The following RBFOX3 variants were observed in gnomAD, a reference collection of about 807,000 sequenced individuals.
The protein encoded by RBFOX3 is RNA binding protein fox-1 homolog 3.
In RBFOX3, 17 loss-of-function variants were observed where a neutral mutation model predicts 48.7. The observed-to-expected ratio is 0.35, with a 90% CI of 0.24 to 0.52. The LOEUF (loss-of-function observed/expected upper bound fraction) is 0.52. Among genes scored for constraint, RBFOX3 ranks in the 20% least tolerant of loss-of-function variants. The pLI is 0.94. For synonymous variants in RBFOX3, 212 were observed against 209.5 expected (o/e 1.01, Z -0.10); for missense variants, 382 against 497.5 (o/e 0.77, Z 2.21).
At chr17:79,449,502 C>A (rs781791506) in intron 2 of RBFOX3, among the ~76,000 whole-genome samples, 5 of 152,146 alleles carry the variant, frequency 3.3e-5, no homozygotes, top group Non-Finnish European at 7.4e-5. Context: ...ATTCAGAAGC[C>A]TCCAACAACT....
At chr17:79,433,622 G>C (rs1309927725) in intron 2 of RBFOX3, among the ~76,000 whole-genome samples, 1 of 152,174 alleles carries the variant, frequency 6.6e-6, no homozygotes, top group Admixed American at 6.5e-5. Flanking sequence ...CCGATTCCAC[G>C]TGAGCAGGAC....
At chr17:79,564,919 T>C (rs1485678497) in intron 1 of RBFOX3, among the ~76,000 whole-genome samples, 4 of 151,978 alleles carry the variant, frequency 2.6e-5, no homozygotes, top group Non-Finnish European at 4.4e-5. Flanking sequence ...CACACGCCTG[T>C]AGTCCCAGCT....
intron 14 of RBFOX3, 103 bp from the exon 15 acceptor site, chr17:79,090,988 C>A: frequency 8.7e-7 from 1 of 1,150,468 alleles, no homozygotes; most frequent in Non-Finnish European, 1.2e-6. Flanking sequence ...GCCTAAAGTC[C>A]TGGCGCCGCC....
At chr17:79,379,161 C>T (rs544531970) in intron 2 of RBFOX3, among the ~76,000 whole-genome samples, 34 of 152,306 alleles carry the variant, frequency 2.2e-4, no homozygotes, top group African/African-American at 3.6e-4. Context: ...TCCCATGGCA[C>T]GCGTCGGGGT....
rs930163680 is a variant in RBFOX3 at position 79,531,070 on chromosome 17, C to T, written c.-319-48472G>A. On this transcript the variant is annotated intron_variant, in intron 1 of 14. Coordinates refer to ENST00000693108, the MANE Select transcript of RBFOX3 (RefSeq NM_001350451.2). ...GTGCCCCAGTCCAGGGGCTCCTCCC[C>T]GCCAGGACTTAGCAATCGTTTGCGC... 8.7e-3 allele frequency among the ~76,000 whole-genome samples: 1,325 copies of T among 152,362 alleles called. 17 individuals are homozygous for T. Among genetic ancestry groups the T allele is most frequent in the African/African-American group, 0.031 (1,275 of 41,590 alleles).
At chr17:79,219,399 C>T (rs965881525) in intron 4 of RBFOX3, among the ~76,000 whole-genome samples, 2 of 152,206 alleles carry the variant, frequency 1.3e-5, no homozygotes, top group Non-Finnish European at 2.9e-5. Context: ...CATGTGCGTG[C>T]GCGTGCACAC....
upstream of RBFOX3, among the ~76,000 whole-genome samples, chr17:79,615,482 G>A (rs2093990098): frequency 6.6e-6 from 1 of 152,150 alleles, no homozygotes; most frequent in African/African-American, 2.4e-5. Context: ...GTCCAGATGA[G>A]AGCAGGGTGG....
chr17:79,558,128 G>A (rs1217031334), intron 1 of RBFOX3, among the ~76,000 whole-genome samples: 1 of 152,170 alleles, frequency 6.6e-6, no homozygotes, highest in Admixed American at 6.5e-5. Context: ...AGCTTGTGAT[G>A]TCACACGGGG....
chr17:79,314,494 C>T (rs62061479), intron 2 of RBFOX3, among the ~76,000 whole-genome samples: 41,103 of 152,094 alleles, frequency 0.27, 5,987 homozygotes, highest in Non-Finnish European at 0.34. Context: ...GCCAGGTCCA[C>T]GCCTGAGACA....
chr17:79,516,111 C>T (rs2085218129), intron 1 of RBFOX3: 2 of 152,318 alleles, frequency 1.3e-5, no homozygotes, highest in Middle Eastern at 3.4e-3. Flanking sequence ...AGAGAGAGCA[C>T]GCACAGCCTG....
chr17:79,219,288 T>G (rs2059431774), intron 4 of RBFOX3, among the ~76,000 whole-genome samples: 1 of 152,204 alleles, frequency 6.6e-6, no homozygotes, highest in Admixed American at 6.5e-5. Context: ...AAGTTCACCC[T>G]ACACGGAAAG....
chr17:79,608,341 GA>G (rs1174754437), intron 1 of RBFOX3, among the ~76,000 whole-genome samples: 1 of 152,238 alleles, frequency 6.6e-6, no homozygotes, highest in African/African-American at 2.4e-5. Context: ...GGAGCCTAGG[GA>G]CTTCCCTGGA....
At chr17:79,585,142 G>A (rs1018071471) in intron 1 of RBFOX3, among the ~76,000 whole-genome samples, 1 of 152,100 alleles carries the variant, frequency 6.6e-6, no homozygotes, top group Non-Finnish European at 1.5e-5. Context: ...TGAGTACAGC[G>A]TCCACTGCTG....
chr17:79,486,277 C>T (rs930879007), intron 1 of RBFOX3, among the ~76,000 whole-genome samples: 9 of 152,258 alleles, frequency 5.9e-5, no homozygotes, highest in Admixed American at 3.3e-4. Flanking sequence ...CACAGCCTAC[C>T]ATTCCCCCAC....
intron 4 of RBFOX3, among the ~76,000 whole-genome samples, chr17:79,185,299 T>C (rs2053172766): frequency 6.6e-6 from 1 of 152,186 alleles, no homozygotes; most frequent in Non-Finnish European, 1.5e-5. Context: ...CACAGGGTCT[T>C]GGCTATGGAC....
chr17:79,151,997 CT>C (rs1599696757), intron 4 of RBFOX3, among the ~76,000 whole-genome samples: 1 of 151,542 alleles, frequency 6.6e-6, no homozygotes, highest in Non-Finnish European at 1.5e-5. Flanking sequence ...CCAAGGCCCC[CT>C]GTCCCGCAGG....
At chr17:79,413,291 C>G (rs1229228720) in intron 2 of RBFOX3, among the ~76,000 whole-genome samples, 2 of 151,710 alleles carry the variant, frequency 1.3e-5, no homozygotes, top group East Asian at 1.9e-4. Context: ...TTCTCAATTT[C>G]CGTGACTTAG....
chr17:79,333,338 G>A (rs559439943), intron 2 of RBFOX3, among the ~76,000 whole-genome samples: 9 of 152,304 alleles, frequency 5.9e-5, no homozygotes, highest in East Asian at 3.9e-4. Context: ...GGCCTCCTGC[G>A]TACTGTGCTC....
At chr17:79,102,594 G>A (rs148777806) in intron 8 of RBFOX3, among the ~76,000 whole-genome samples, 122 of 152,350 alleles carry the variant, frequency 8.0e-4, no homozygotes, top group Non-Finnish European at 1.5e-3. Context: ...GGGACAGAGC[G>A]GGATGGGTGT....
Sources: gnomAD v4.1 joint callset for allele counts (sites outside exome capture counted in the v4.1 genomes callset) on GRCh38, gnomAD v4.1.1 for gene constraint, MANE v1.5 for transcripts, NCBI Gene and HGNC (gene_info 2026-07-23, HGNC 2026-07-21) for gene names.